ELP4: variants seen among roughly 807,000 people sequenced by gnomAD.
The protein encoded by ELP4 is elongator acetyltransferase complex subunit 4.
A neutral mutation model predicts 48.9 loss-of-function variants in ELP4; 51 were observed. The observed-to-expected ratio is 1.04, with a 90% CI of 0.83 to 1.32. The LOEUF is 1.32. Ranked by LOEUF, ELP4 falls within the 40% of genes most tolerant of loss-of-function variation. The pLI is 0.00. For synonymous variants in ELP4, 210 were observed against 189.2 expected, an observed-to-expected ratio of 1.11 and a Z score of -0.90; for missense variants, 519 against 514.6, an observed-to-expected ratio of 1.01 and a Z score of -0.08.
intron 9 of ELP4, among the ~76,000 whole-genome samples, chr11:31,669,757 A>G (rs1189394979): frequency 1.3e-5 from 2 of 152,180 alleles, no homozygotes; most frequent in East Asian, 1.9e-4. Context: ...ACCTGACTGC[A>G]TGTTTAATTA....
chr11:31,553,402 C>A (rs571473269), intron 3 of ELP4, among the ~76,000 whole-genome samples: 1 of 152,212 alleles, frequency 6.6e-6, no homozygotes, highest in South Asian at 2.1e-4. Flanking sequence ...AGCCAGTCAG[C>A]AGAAGACCTC....
At chr11:31,576,215 G>T (rs1253384401) in intron 3 of ELP4, among the ~76,000 whole-genome samples, 1 of 152,162 alleles carries the variant, frequency 6.6e-6, no homozygotes, top group Non-Finnish European at 1.5e-5. Context: ...TAACGGTAAA[G>T]GTATCAATTC....
At chr11:31,702,968 T>G (rs555171328) in intron 9 of ELP4, among the ~76,000 whole-genome samples, 1 of 152,328 alleles carries the variant, frequency 6.6e-6, no homozygotes. Context: ...TTAAAATCAC[T>G]CAGGAAATTA....
intron 9 of ELP4, among the ~76,000 whole-genome samples, chr11:31,760,526 G>A (rs1297094584): frequency 6.6e-6 from 1 of 152,006 alleles, no homozygotes; most frequent in Non-Finnish European, 1.5e-5. Context: ...TTTTTTAAAT[G>A]TATTATAAAA....
chr11:31,731,520 A>G (rs1268506474), intron 9 of ELP4, among the ~76,000 whole-genome samples: 3 of 151,722 alleles, frequency 2.0e-5, no homozygotes, highest in Non-Finnish European at 4.4e-5. Flanking sequence ...GCAAAAAGAA[A>G]AAAAGAATGA....
intron 3 of ELP4, among the ~76,000 whole-genome samples, chr11:31,570,212 A>G (rs923291657): frequency 6.6e-6 from 1 of 152,214 alleles, no homozygotes; most frequent in African/African-American, 2.4e-5. Context: ...AGCAACATGG[A>G]TGTAGCTGGA....
intron 9 of ELP4, among the ~76,000 whole-genome samples, chr11:31,686,655 C>T (rs546427150): frequency 2.6e-5 from 4 of 151,974 alleles, no homozygotes; most frequent in Admixed American, 6.6e-5. Context: ...CCATGGCAGG[C>T]GGATTACTTG....
At chr11:31,654,007 A>G (rs1436320192) in intron 9 of ELP4, 1 of 151,662 alleles carries the variant, frequency 6.6e-6, no homozygotes, top group Non-Finnish European at 1.5e-5. Context: ...ACTTAATAAT[A>G]TTTTGCTATT....
At chr11:31,512,928 G>A (rs1956037179) in intron 1 of ELP4, among the ~76,000 whole-genome samples, 1 of 151,826 alleles carries the variant, frequency 6.6e-6, no homozygotes, top group African/African-American at 2.4e-5. Context: ...AAGGGTAACT[G>A]CAGATTTGAC....
At chr11:31,516,562 C>T (rs192568392) in intron 1 of ELP4, among the ~76,000 whole-genome samples, 1 of 152,330 alleles carries the variant, frequency 6.6e-6, no homozygotes, top group East Asian at 1.9e-4. Flanking sequence ...GTGGTGCGAA[C>T]GCTGCTCACT....
chr11:31,561,222 A>G lies in ELP4; in HGVS notation c.381+21439A>G, dbSNP rs561833749. Among the ~76,000 whole-genome samples, 11 of 152,294 alleles carry G rather than the reference A, an allele frequency of 7.2e-5. No homozygotes were observed. In the South Asian group the frequency reaches 1.0e-3, roughly 14 times the overall value. ...GGTTATTATCTTATATTAACCCTCT[A>G]TAGTTGTACTGAGTATACAATATAC... On this transcript the variant is annotated intron_variant, in intron 3 of 9. Transcript: ENST00000640961.
At chr11:31,626,695 T>G (rs1229379260) in intron 5 of ELP4, among the ~76,000 whole-genome samples, 1 of 151,878 alleles carries the variant, frequency 6.6e-6, no homozygotes, top group East Asian at 1.9e-4. Flanking sequence ...GAAGATGAGC[T>G]CAGGTGATCA....
intron 6 of ELP4, among the ~76,000 whole-genome samples, chr11:31,628,943 T>C (rs1944803044): frequency 6.6e-6 from 1 of 152,178 alleles, no homozygotes; most frequent in Admixed American, 6.6e-5. Flanking sequence ...GTTCTGACAT[T>C]GAAATAAATG....
intron 1 of ELP4, among the ~76,000 whole-genome samples, chr11:31,514,265 C>G (rs759761335): frequency 2.0e-5 from 3 of 152,076 alleles, no homozygotes; most frequent in Non-Finnish European, 4.4e-5. Flanking sequence ...TTGAGACAAG[C>G]CTGGGCAACA....
intron 9 of ELP4, among the ~76,000 whole-genome samples, chr11:31,763,752 C>T (rs537173830): frequency 2.6e-5 from 4 of 151,888 alleles, no homozygotes; most frequent in African/African-American, 9.7e-5. Context: ...CAGAATGGTA[C>T]CTTTTTTTTT....
At chr11:31,716,088 A>C (rs1378059869) in intron 9 of ELP4, among the ~76,000 whole-genome samples, 1 of 152,160 alleles carries the variant, frequency 6.6e-6, no homozygotes. Context: ...ATCGTAGCTC[A>C]CTGCAGCCTC....
intron 2 of ELP4, among the ~76,000 whole-genome samples, chr11:31,522,926 C>T (rs1956238068): frequency 6.6e-6 from 1 of 150,864 alleles, no homozygotes; most frequent in African/African-American, 2.4e-5. Flanking sequence ...ACAGCATGAT[C>T]GTAGCTCACT....
At chr11:31,758,319 A>C (rs994543784) in intron 9 of ELP4, among the ~76,000 whole-genome samples, 1 of 152,164 alleles carries the variant, frequency 6.6e-6, no homozygotes, top group Non-Finnish European at 1.5e-5. Context: ...GGTCACACTC[A>C]TGTTCGTTCT....
chr11:31,675,822 AG>A (rs1355241991), intron 9 of ELP4, among the ~76,000 whole-genome samples: 2 of 152,186 alleles, frequency 1.3e-5, no homozygotes, highest in Non-Finnish European at 2.9e-5. Context: ...TCAATCTGAC[AG>A]AAAATCCTGT....
Sources: allele counts gnomAD v4.1 joint callset (sites outside exome capture counted in the v4.1 genomes callset), GRCh38; gene constraint gnomAD v4.1.1; transcripts MANE v1.5; gene names NCBI Gene and HGNC (gene_info 2026-07-23, HGNC 2026-07-21).